The following VRK2 variants were observed in gnomAD, a reference collection of about 807,000 sequenced individuals.
VRK2 encodes serine/threonine-protein kinase VRK2.
VRK2 carries 60 observed loss-of-function variants against 57.6 expected under a neutral mutation model. The observed-to-expected ratio is 1.04, with a 90% confidence interval of 0.85 to 1.29. VRK2 has a LOEUF of 1.29. Among genes scored for constraint, VRK2 ranks in the 50% most tolerant of loss-of-function variants. The pLI is 0.00. For missense variants in VRK2, 705 were observed against 588.1 expected (o/e 1.20, Z -2.06); for synonymous variants, 231 against 199.2 (o/e 1.16, Z -1.35).
At chr2:58,077,065 T>A (rs896050557) in intron 2 of VRK2, among the ~76,000 whole-genome samples, 3 of 152,064 alleles carry the variant, frequency 2.0e-5, no homozygotes, top group African/African-American at 7.2e-5. Context: ...CTTTTTTGGT[T>A]CAAAATCCAA....
intron 1 of VRK2, among the ~76,000 whole-genome samples, chr2:58,001,313 T>C (rs1396299865): frequency 1.3e-5 from 2 of 152,206 alleles, no homozygotes; most frequent in Non-Finnish European, 2.9e-5. Flanking sequence ...TATTTCCACA[T>C]GTCATTGCAT....
intron 8 of VRK2, among the ~76,000 whole-genome samples, chr2:58,124,262 G>T (rs1226032334): frequency 6.6e-6 from 1 of 152,172 alleles, no homozygotes; most frequent in African/African-American, 2.4e-5. Flanking sequence ...AAGGAAGTAG[G>T]AGGTCAATAT....
intron 2 of VRK2, among the ~76,000 whole-genome samples, chr2:58,032,157 C>T (rs562094738): frequency 1.6e-4 from 25 of 152,024 alleles, no homozygotes; most frequent in Non-Finnish European, 3.2e-4. Flanking sequence ...TGGTTATGAA[C>T]AGACAGAAAA....
At chr2:58,141,223 TC>T (rs1681282596) in intron 11 of VRK2, among the ~76,000 whole-genome samples, 1 of 152,034 alleles carries the variant, frequency 6.6e-6, no homozygotes, top group Non-Finnish European at 1.5e-5. Context: ...CACCACTTAA[TC>T]TATGCTAATT....
chr2:58,040,307 A>G (rs1163591559), intron 3 of VRK2, among the ~76,000 whole-genome samples: 2 of 152,228 alleles, frequency 1.3e-5, no homozygotes, highest in East Asian at 1.9e-4. Context: ...ATAACTCAAT[A>G]TAACAGGTAA....
At chr2:58,046,803 C>T (rs1674808752), upstream of VRK2, 19 of 985,590 alleles carry the variant, frequency 1.9e-5, no homozygotes, top group Non-Finnish European at 2.3e-5. Context: ...CCGGGGGCTC[C>T]GCCTCGTCGC....
At chr2:58,020,548 A>G (rs1480235292) in intron 1 of VRK2, among the ~76,000 whole-genome samples, 2 of 152,236 alleles carry the variant, frequency 1.3e-5, no homozygotes, top group Non-Finnish European at 2.9e-5. Context: ...TGTGCCAAGT[A>G]TGCTACTATT....
intron 2 of VRK2, among the ~76,000 whole-genome samples, chr2:58,027,397 C>A (rs929296813): frequency 5.3e-5 from 8 of 152,130 alleles, no homozygotes; most frequent in Non-Finnish European, 1.0e-4. Flanking sequence ...AGTAGAAAAA[C>A]AGCCCTGATT....
chr2:57,950,207 T>C lies in VRK2; in HGVS notation c.-439+42368T>C, dbSNP rs115131378. Reference sequence around the variant, plus strand: ...TACAATAAACAATACATTTTCCATGTAGATAAAACAGCCTTCTATTGAAAA... The same window carrying C: ...TACAATAAACAATACATTTTCCATGCAGATAAAACAGCCTTCTATTGAAAA... On this transcript the variant is annotated intron_variant, in intron 1 of 15. Transcript: ENST00000417641. Among the ~76,000 whole-genome samples the C allele has an allele frequency of 4.3e-3, 658 of 152,374 alleles. 7 individuals carry two copies. Among genetic ancestry groups the C allele is most frequent in the African/African-American group, 0.015 (625 of 41,588 alleles).
At chr2:58,059,830 T>A (rs1463894066) in intron 2 of VRK2, among the ~76,000 whole-genome samples, 1 of 151,794 alleles carries the variant, frequency 6.6e-6, no homozygotes, top group Non-Finnish European at 1.5e-5. Flanking sequence ...CTTTTTTATT[T>A]GGTGTATATA....
chr2:57,939,930 C>A (rs549933445), intron 1 of VRK2, among the ~76,000 whole-genome samples: 1 of 152,210 alleles, frequency 6.6e-6, no homozygotes, highest in South Asian at 2.1e-4. Flanking sequence ...TAAAGATGCC[C>A]ATTGCATCCC....
At chr2:58,119,541 G>GC (rs919521163) in intron 7 of VRK2, among the ~76,000 whole-genome samples, 2 of 149,998 alleles carry the variant, frequency 1.3e-5, no homozygotes, top group African/African-American at 4.9e-5. Flanking sequence ...TATTTTCTGA[G>GC]CCCCAACAGG....
At chr2:57,911,796 A>G (rs551150692) in intron 1 of VRK2, among the ~76,000 whole-genome samples, 1 of 152,282 alleles carries the variant, frequency 6.6e-6, no homozygotes, top group South Asian at 2.1e-4. Flanking sequence ...CCAGACTGAA[A>G]TCTGATTTCC....
intron 1 of VRK2, chr2:58,048,443 C>T: frequency 1.4e-6 from 1 of 737,448 alleles, no homozygotes. Context: ...TAACATTTTA[C>T]ATTCTCAGTG....
At chr2:57,937,088 A>G (rs2678889) in intron 1 of VRK2, among the ~76,000 whole-genome samples, 96,925 of 152,120 alleles carry the variant, frequency 0.64, 31,041 homozygotes, top group African/African-American at 0.72. Context: ...TTGTACTTCA[A>G]CATAGCATAG....
At chr2:57,978,207 A>G (rs1037121235) in intron 1 of VRK2, among the ~76,000 whole-genome samples, 2 of 151,234 alleles carry the variant, frequency 1.3e-5, no homozygotes, top group Non-Finnish European at 2.9e-5. Flanking sequence ...AAAGAAAAAT[A>G]CCACTCAGTA....
chr2:58,063,886 G>A (rs771901954), intron 2 of VRK2, among the ~76,000 whole-genome samples: 5 of 152,088 alleles, frequency 3.3e-5, no homozygotes, highest in Non-Finnish European at 5.9e-5. Flanking sequence ...GATAAAAATA[G>A]CAGTGTTAAC....
intron 7 of VRK2, among the ~76,000 whole-genome samples, chr2:58,100,832 C>T (rs918328715): frequency 2.6e-5 from 4 of 151,376 alleles, no homozygotes; most frequent in Non-Finnish European, 5.9e-5. Context: ...ATTTTATTTC[C>T]ATCTAACTTT....
At chr2:58,131,480 T>C (rs1679181557) in intron 8 of VRK2, among the ~76,000 whole-genome samples, 1 of 151,976 alleles carries the variant, frequency 6.6e-6, no homozygotes, top group South Asian at 2.1e-4. Flanking sequence ...GCTTGGCTCT[T>C]TGAGAAAGTG....
Sources: gnomAD v4.1 joint callset for allele counts (sites outside exome capture counted in the v4.1 genomes callset) on GRCh38, gnomAD v4.1.1 for gene constraint, MANE v1.5 for transcripts, NCBI Gene and HGNC (gene_info 2026-07-23, HGNC 2026-07-21) for gene names.